Variants in LRGUK observed in about 807,000 individuals in gnomAD.
LRGUK encodes the protein leucine rich repeats and guanylate kinase domain containing, also known as leucine-rich repeat and guanylate kinase domain-containing protein.
A neutral mutation model predicts 76.0 loss-of-function variants in LRGUK; 65 were observed. The observed-to-expected ratio is 0.85, with a 90% CI of 0.70 to 1.05. The LOEUF (loss-of-function observed/expected upper bound fraction) is 1.05, where lower values mean the gene tolerates loss of function less well. Ranked by LOEUF, LRGUK falls within the 50% of genes least tolerant of loss-of-function variation. LRGUK has a pLI of 0.00. For missense variants in LRGUK, 758 were observed against 732.8 expected, an observed-to-expected ratio of 1.03 and a Z score of -0.40; for synonymous variants, 268 against 265.6, an observed-to-expected ratio of 1.01 and a Z score of -0.09.
chr7:134,197,922 A>G (rs945892122), intron 13 of LRGUK, among the ~76,000 whole-genome samples: 3 of 152,240 alleles, frequency 2.0e-5, no homozygotes, highest in Non-Finnish European at 4.4e-5. Context: ...TTAAAAAAAA[A>G]GCAATTATAA....
chr7:134,226,518 G>T (rs1801769038), intron 16 of LRGUK, among the ~76,000 whole-genome samples: 1 of 152,098 alleles, frequency 6.6e-6, no homozygotes. Context: ...GTCACATATG[G>T]CACATGTCAT....
At chr7:134,210,776 A>G (rs1801233411), downstream of LRGUK, among the ~76,000 whole-genome samples, 1 of 152,220 alleles carries the variant, frequency 6.6e-6, no homozygotes, top group Non-Finnish European at 1.5e-5. Flanking sequence ...AGGTCAGGCC[A>G]GAGAGAGCTC....
At chr7:134,193,996 T>A (rs1053192121) in intron 12 of LRGUK, among the ~76,000 whole-genome samples, 1 of 152,064 alleles carries the variant, frequency 6.6e-6, no homozygotes, top group African/African-American at 2.4e-5. Flanking sequence ...CCCCCTAACA[T>A]GCCCACAGAT....
intron 15 of LRGUK, among the ~76,000 whole-genome samples, chr7:134,205,100 G>A (rs1210850665): frequency 6.6e-6 from 1 of 152,182 alleles, no homozygotes; most frequent in Non-Finnish European, 1.5e-5. Context: ...TGCTGGCGGG[G>A]GTGGCCAGCG....
chr7:134,176,675 C>T (rs566091211), intron 8 of LRGUK, among the ~76,000 whole-genome samples: 33 of 152,006 alleles, frequency 2.2e-4, no homozygotes, highest in South Asian at 4.2e-4. Context: ...CCACTTTGCC[C>T]GGCCAATTAA....
rs183865398 is a variant in LRGUK, at chr7:134,260,778, G to A, written c.2347+2373G>A. Among the ~76,000 whole-genome samples, 62 of 152,236 alleles carry A rather than the reference G, an allele frequency of 4.1e-4. No homozygotes were observed. In the East Asian group the frequency reaches 4.4e-3, roughly 11 times the overall value. On this transcript the variant is annotated intron_variant, in intron 19 of 19. Coordinates refer to the LRGUK transcript ENST00000285928. ...CCCACTGCTCCTGTGGCTTCTCCTC[G>A]TTTGAGATCCCAGCTATGCCTGTTT...
intron 1 of LRGUK, among the ~76,000 whole-genome samples, chr7:134,136,481 A>C (rs933683627): frequency 2.6e-5 from 4 of 152,224 alleles, no homozygotes; most frequent in African/African-American, 7.2e-5. Context: ...GTGGGCAAGC[A>C]GTCAAATGCA....
intron 8 of LRGUK, 35 bp downstream of exon 8, chr7:134,174,671 G>C (rs1799410045): frequency 8.3e-7 from 1 of 1,199,120 alleles, no homozygotes; most frequent in East Asian, 2.3e-5. Context: ...GGGAGACAGA[G>C]AAGAAAGTGG....
chr7:134,215,457 G>A (rs79317444), intron 15 of LRGUK, among the ~76,000 whole-genome samples: 1 of 152,288 alleles, frequency 6.6e-6, no homozygotes, highest in East Asian at 1.9e-4. Flanking sequence ...TTGCCTTCAA[G>A]TGAGGTTGGA....
chr7:134,185,445 C>G (rs563157717), intron 11 of LRGUK, among the ~76,000 whole-genome samples: 1 of 151,782 alleles, frequency 6.6e-6, no homozygotes, highest in South Asian at 2.1e-4. Context: ...CCTGTAATCC[C>G]AGCTGCTCGG....
chr7:134,194,612 A>C lies in LRGUK; in HGVS notation c.1432-2380A>C, dbSNP rs561567653. On this transcript the variant is annotated intron_variant, in intron 12 of 15. Coordinates refer to ENST00000645682, the Ensembl canonical transcript of LRGUK. Reference sequence around the variant, plus strand: ...AAGAATTAGCCTGGTGTAGGGGTTCATGCCTGTAGTCCCAGCAACTCAGGA... The same window carrying C: ...AAGAATTAGCCTGGTGTAGGGGTTCCTGCCTGTAGTCCCAGCAACTCAGGA... Among the ~76,000 whole-genome samples, 4 of 152,248 alleles carry C rather than the reference A, an allele frequency of 2.6e-5. No individual in the cohort carries two copies. In the East Asian group the frequency reaches 7.7e-4, roughly 29 times the overall value.
chr7:134,189,291 C>T lies in LRGUK; in HGVS notation c.1335-2364C>T, dbSNP rs575482849. Among the ~76,000 whole-genome samples the T allele has an allele frequency of 2.0e-4, 31 of 152,268 alleles. 1 individual carries two copies. The South Asian group carries it at 5.8e-3, about 29-fold the overall frequency. ...AAGAAGAATTTTGAAAGTCCTGGCT[C>T]GAGCAAATTTCTTTGTCTAGAATTT... On this transcript the variant is annotated intron_variant, in intron 11 of 15. Transcript: ENST00000645682.
intron 19 of LRGUK, among the ~76,000 whole-genome samples, chr7:134,263,084 A>G (rs190555332): frequency 1.6e-4 from 24 of 152,046 alleles, no homozygotes; most frequent in Non-Finnish European, 3.1e-4. Context: ...AAAACGGTCA[A>G]TGTTCCCTTT....
chr7:134,202,974 G>C (rs1272631194), intron 15 of LRGUK, among the ~76,000 whole-genome samples: 1 of 152,204 alleles, frequency 6.6e-6, no homozygotes, highest in Non-Finnish European at 1.5e-5. Context: ...GGAGGCCGAG[G>C]TGGGCAGATC....
chr7:134,148,494 A>G (rs780018578), intron 5 of LRGUK, among the ~76,000 whole-genome samples, 175 bp downstream of exon 5: 1 of 152,214 alleles, frequency 6.6e-6, no homozygotes, highest in Non-Finnish European at 1.5e-5. Flanking sequence ...TAAATATTTT[A>G]TTTACCAAGA....
intron 7 of LRGUK, among the ~76,000 whole-genome samples, chr7:134,171,464 G>C (rs1563159797): frequency 6.6e-6 from 1 of 151,604 alleles, no homozygotes; most frequent in Admixed American, 6.6e-5. Context: ...ATATAGAAAT[G>C]TATATTCACA....
chr7:134,215,046 C>T (rs1801398902), downstream of LRGUK, among the ~76,000 whole-genome samples: 1 of 152,094 alleles, frequency 6.6e-6, no homozygotes, highest in African/African-American at 2.4e-5. Context: ...CTGCAGCTGA[C>T]TCCATTTGCT....
chr7:134,244,767 G>A (rs1002580845), intron 16 of LRGUK, among the ~76,000 whole-genome samples: 3 of 152,034 alleles, frequency 2.0e-5, no homozygotes, highest in African/African-American at 4.8e-5. Flanking sequence ...TGTTTATTGC[G>A]GCACTATTCA....
chr7:134,263,623 C>CTTTTTT (rs59840547), intron 19 of LRGUK, among the ~76,000 whole-genome samples: 12 of 113,994 alleles, frequency 1.1e-4, no homozygotes, highest in African/African-American at 2.0e-4. Flanking sequence ...TCATTTCTTT[C>CTTTTTT]TTTTTTTTTT....
Sources: gnomAD v4.1 joint callset for allele counts (sites outside exome capture counted in the v4.1 genomes callset) on GRCh38, gnomAD v4.1.1 for gene constraint, MANE v1.5 for transcripts, NCBI Gene and HGNC (gene_info 2026-07-23, HGNC 2026-07-21) for gene names.